DROSHA: variants seen among roughly 807,000 people sequenced by gnomAD.
The protein encoded by DROSHA is ribonuclease 3.
In DROSHA, 56 loss-of-function variants were observed where a neutral mutation model predicts 181.9. The observed-to-expected ratio is 0.31, with a 90% CI of 0.25 to 0.38. The LOEUF (loss-of-function observed/expected upper bound fraction) is 0.38, where lower values mean the gene tolerates loss of function less well. DROSHA is among the 10% of genes least tolerant of loss of function. The pLI is 1.00. For missense variants in DROSHA, 1,218 were observed against 1,743.5 expected, an observed-to-expected ratio of 0.70 and a Z score of 5.37; for synonymous variants, 524 against 591.2, an observed-to-expected ratio of 0.89 and a Z score of 1.65.
intron 20 of DROSHA, among the ~76,000 whole-genome samples, chr5:31,461,255 C>G (rs1748373491): frequency 6.6e-6 from 1 of 152,060 alleles, no homozygotes; most frequent in South Asian, 2.1e-4. Flanking sequence ...AAAATTCAAA[C>G]AAAATATATG....
intron 29 of DROSHA, among the ~76,000 whole-genome samples, chr5:31,422,574 GAGAAACCA>G (rs1481059734): frequency 6.6e-6 from 1 of 152,172 alleles, no homozygotes; most frequent in African/African-American, 2.4e-5. Context: ...AAACTTAACA[GAGAAACCA>G]AGATGCATGA....
chr5:31,484,760 C>T (rs1580257875), intron 15 of DROSHA, 121 bp downstream of exon 15: 1 of 693,618 alleles, frequency 1.4e-6, no homozygotes, highest in East Asian at 3.0e-5. Flanking sequence ...ACACTTTTCT[C>T]TGGGTATTTA....
rs1323544425 is a variant in DROSHA at position 31,531,473 on chromosome 5, C to G, written c.-197G>C. ...ACCTGGAAAAGTAACTCTCTTTTCT[C>G]CGTCTGTCTCTTCTCGGTTGCGGTT... On this transcript the variant is annotated 5_prime_UTR_variant, in exon 2 of 36. Coordinates refer to ENST00000344624, the MANE Select transcript of DROSHA (RefSeq NM_001382508.1). The G allele has an allele frequency of 6.6e-6, 1 of 152,156 alleles. No homozygotes were observed. The highest frequency in any genetic ancestry group is 1.9e-4 in the East Asian group (1 of 5,196). 9.4% of individuals were successfully genotyped at this position (152,156 alleles called of 1,614,324 possible).
At chr5:31,485,650 A>AAAAC (rs1554039002) in intron 14 of DROSHA, among the ~76,000 whole-genome samples, 483 of 149,520 alleles carry the variant, frequency 3.2e-3, no homozygotes, top group African/African-American at 0.01. Flanking sequence ...AAAAAAAAAA[A>AAAAC]CCCTTCTAAA....
chr5:31,462,608 C>G (rs1045173488), intron 20 of DROSHA, among the ~76,000 whole-genome samples: 1 of 138,514 alleles, frequency 7.2e-6, no homozygotes, highest in African/African-American at 2.7e-5. Flanking sequence ...TGTACTGGAA[C>G]AGATAATTCA....
chr5:31,495,611 C>A (rs1271168548), intron 11 of DROSHA, among the ~76,000 whole-genome samples: 1 of 152,172 alleles, frequency 6.6e-6, no homozygotes, highest in Non-Finnish European at 1.5e-5. Context: ...ACCAATAAGG[C>A]CGCAAATGTC....
At chr5:31,418,023 C>T (rs561528649) in intron 30 of DROSHA, among the ~76,000 whole-genome samples, 46 of 152,288 alleles carry the variant, frequency 3.0e-4, no homozygotes, top group Middle Eastern at 6.8e-3. Context: ...ACAGCAAAGG[C>T]AGGCTTTTCA....
intron 16 of DROSHA, among the ~76,000 whole-genome samples, chr5:31,478,262 C>T (rs1416112968): frequency 1.3e-5 from 2 of 152,088 alleles, no homozygotes; most frequent in Non-Finnish European, 2.9e-5. Flanking sequence ...TGTCTTGGGC[C>T]ACACATAAAA....
At chr5:31,463,295 T>C (rs1658696328) in intron 20 of DROSHA, among the ~76,000 whole-genome samples, 1 of 152,198 alleles carries the variant, frequency 6.6e-6, no homozygotes, top group Non-Finnish European at 1.5e-5. Flanking sequence ...GCTTTGGACG[T>C]CACTTAGTAA....
At chr5:31,441,157 C>T (rs1436450471) in intron 23 of DROSHA, among the ~76,000 whole-genome samples, 2 of 151,576 alleles carry the variant, frequency 1.3e-5, no homozygotes, top group Non-Finnish European at 2.9e-5. Flanking sequence ...GTGGCTCATG[C>T]CTGTAATCCT....
At chr5:31,451,689 G>A (rs759067077) in intron 20 of DROSHA, 49 bp from the exon 21 acceptor site, 2 of 1,418,758 alleles carry the variant, frequency 1.4e-6, no homozygotes, top group South Asian at 1.3e-5. Context: ...AACTTATAAA[G>A]TCACTTCATT....
intron 23 of DROSHA, among the ~76,000 whole-genome samples, chr5:31,444,322 C>T (rs79244517): frequency 6.6e-6 from 1 of 152,126 alleles, no homozygotes; most frequent in Non-Finnish European, 1.5e-5. Flanking sequence ...AGATCATATT[C>T]AAGGAAAGAG....
At chr5:31,452,685 G>A (rs1747168756) in intron 20 of DROSHA, among the ~76,000 whole-genome samples, 1 of 152,114 alleles carries the variant, frequency 6.6e-6, no homozygotes, top group Non-Finnish European at 1.5e-5. Flanking sequence ...ATAGAAATTA[G>A]TTATGTTATT....
chr5:31,501,527 T>C (rs1169400340), intron 11 of DROSHA, among the ~76,000 whole-genome samples: 1 of 152,014 alleles, frequency 6.6e-6, no homozygotes, highest in Non-Finnish European at 1.5e-5. Flanking sequence ...AAGAGGTAAG[T>C]GCCACCCTTA....
At chr5:31,446,616 C>G (rs962689139) in intron 23 of DROSHA, among the ~76,000 whole-genome samples, 3 of 145,570 alleles carry the variant, frequency 2.1e-5, no homozygotes, top group Non-Finnish European at 3.0e-5. Flanking sequence ...GTTTATGAAT[C>G]AGAAAACTTA....
intron 23 of DROSHA, among the ~76,000 whole-genome samples, chr5:31,444,201 C>T (rs954966729): frequency 2.0e-5 from 3 of 152,124 alleles, no homozygotes; most frequent in African/African-American, 7.2e-5. Context: ...AGAAGCTGTG[C>T]CCAGCTGTGG....
At chr5:31,430,826 C>A (rs780255401) in intron 26 of DROSHA, among the ~76,000 whole-genome samples, 7 of 152,130 alleles carry the variant, frequency 4.6e-5, no homozygotes, top group Non-Finnish European at 8.8e-5. Context: ...CTTTTATATT[C>A]ATTTTCAAAG....
At chr5:31,436,644 T>G (rs999435654) in intron 24 of DROSHA, among the ~76,000 whole-genome samples, 5 of 151,980 alleles carry the variant, frequency 3.3e-5, no homozygotes, top group East Asian at 1.9e-4. Context: ...CCACCCGCCT[T>G]GGCCTCCCAA....
Position 31,526,167 on chromosome 5 carries a change from G to A in DROSHA, c.766C>T (p.Pro256Ser), listed in dbSNP as rs764049500. 1.4e-5 allele frequency: 22 copies of A among 1,613,642 alleles called. No homozygotes were observed. Among genetic ancestry groups the A allele is most frequent in the Admixed American group, 1.7e-5 (1 of 59,990 alleles). Residue 256 changes from proline to serine, a missense_variant, in exon 5 of 36, where the codon CCC (proline) becomes TCC (serine). Pro to Ser is a moderately conservative substitution (Grantham distance 74). This residue lies in a region of DROSHA where 536 missense variants were observed against 535.4 expected (regional missense o/e 1.00). Coordinates refer to ENST00000344624, the MANE Select transcript of DROSHA (RefSeq NM_001382508.1). ...CGGCTGTCTTGTCTTCTCCTGTCGGGACTGCGGCCTCGCTCCCGCCGATCC... is the reference window on the plus strand; with the variant it reads ...CGGCTGTCTTGTCTTCTCCTGTCGGAACTGCGGCCTCGCTCCCGCCGATCC... ...SLDRRERGRS[P>S]DRRRQDSRYR...
Sources: allele counts gnomAD v4.1 joint callset (sites outside exome capture counted in the v4.1 genomes callset), GRCh38; gene constraint gnomAD v4.1.1; regional missense constraint gnomAD v4.1.1; transcripts MANE v1.5; gene names NCBI Gene and HGNC (gene_info 2026-07-23, HGNC 2026-07-21).